MEGF11: variants seen among roughly 807,000 people sequenced by gnomAD.
MEGF11 encodes the protein multiple EGF like domains 11, also known as multiple epidermal growth factor-like domains protein 11.
In MEGF11, 126 loss-of-function variants were observed where a neutral mutation model predicts 146.6. That is an observed-to-expected ratio of 0.86 (90% CI 0.74 to 1.00). MEGF11 has a LOEUF of 1.00. MEGF11 is among the 50% of genes least tolerant of loss of function. MEGF11 has a pLI of 0.00. For synonymous variants in MEGF11, 532 were observed against 583.4 expected, an observed-to-expected ratio of 0.91 and a Z score of 1.27; for missense variants, 1,509 against 1,521.2, an observed-to-expected ratio of 0.99 and a Z score of 0.13.
intron 5 of MEGF11, among the ~76,000 whole-genome samples, chr15:66,093,153 G>T (rs1460147810): frequency 1.3e-5 from 2 of 152,110 alleles, no homozygotes; most frequent in African/African-American, 4.8e-5. Flanking sequence ...CACATTAGGG[G>T]GTTTCTTGGA....
chr15:65,939,699 TAGTC>T (rs1336116261), intron 10 of MEGF11, among the ~76,000 whole-genome samples: 1 of 152,112 alleles, frequency 6.6e-6, no homozygotes, highest in African/African-American at 2.4e-5. Context: ...TTCACCATGT[TAGTC>T]AGGCTGGTCT....
intron 1 of MEGF11, among the ~76,000 whole-genome samples, chr15:66,165,487 C>A (rs955295400): frequency 6.6e-6 from 1 of 152,158 alleles, no homozygotes; most frequent in Non-Finnish European, 1.5e-5. Flanking sequence ...GAGAAAGGAA[C>A]ATCTTTTTTA....
chr15:66,245,979 A>G (rs2092291046), intron 1 of MEGF11, among the ~76,000 whole-genome samples: 1 of 151,800 alleles, frequency 6.6e-6, no homozygotes, highest in South Asian at 2.1e-4. Context: ...AACAAAAGGC[A>G]GCCAGGCATG....
chr15:66,168,990 A>G (rs1393887561), intron 1 of MEGF11, among the ~76,000 whole-genome samples: 1 of 152,222 alleles, frequency 6.6e-6, no homozygotes, highest in African/African-American at 2.4e-5. Context: ...TCCAACTCAA[A>G]AAATAAAATA....
chr15:66,049,059 G>A (rs947623494), intron 5 of MEGF11, among the ~76,000 whole-genome samples: 12 of 152,294 alleles, frequency 7.9e-5, no homozygotes, highest in African/African-American at 2.6e-4. Flanking sequence ...TGGGCATTCT[G>A]GGGGAGGCAG....
intron 19 of MEGF11, 172 bp from the exon 20 acceptor site, chr15:65,914,145 C>T (rs1239433920): frequency 5.0e-6 from 3 of 599,614 alleles, no homozygotes; most frequent in Non-Finnish European, 8.9e-6. Context: ...TGCCTTCATC[C>T]CTAAAGGGGA....
At chr15:66,004,539 TA>T (rs1209454421) in intron 5 of MEGF11, among the ~76,000 whole-genome samples, 1 of 152,178 alleles carries the variant, frequency 6.6e-6, no homozygotes, top group Non-Finnish European at 1.5e-5. Context: ...ATGTCACAAA[TA>T]TTTAATAATT....
At chr15:65,914,229 C>T in intron 19 of MEGF11, 1 of 545,294 alleles carries the variant, frequency 1.8e-6, no homozygotes, top group East Asian at 2.8e-5. Flanking sequence ...TTACTCTGTT[C>T]CAAAAATGAG....
chr15:66,173,853 G>A (rs1484455817), intron 1 of MEGF11, among the ~76,000 whole-genome samples: 1 of 152,130 alleles, frequency 6.6e-6, no homozygotes, highest in Middle Eastern at 3.2e-3. Flanking sequence ...GACCACCCTT[G>A]GACAGTTTGC....
intron 1 of MEGF11, among the ~76,000 whole-genome samples, chr15:66,168,481 A>C (rs2090159166): frequency 6.6e-6 from 1 of 152,196 alleles, no homozygotes; most frequent in Non-Finnish European, 1.5e-5. Context: ...ATATATGGTT[A>C]CTGAGCACTT....
At position 65,982,541 on chromosome 15, in the gene MEGF11, G is replaced by A; in HGVS notation, c.395-53C>T. ...AGGAGCCCCGAAGGCTCTCCTTGGG[G>A]CAGGGGCCAGGAACCGATGCCCATG... On this transcript the variant is annotated intron_variant, in intron 5 of 25. Coordinates refer to ENST00000395614, the MANE Select transcript of MEGF11 (RefSeq NM_001385028.1). The surrounding 1 kb of genome is among the most constrained non-coding windows in gnomAD (Gnocchi z 5.6). 1 of 1,425,566 alleles carries A rather than the reference G, an allele frequency of 7.0e-7. No homozygotes were observed. The highest frequency in any genetic ancestry group is 9.2e-7 in the Non-Finnish European group (1 of 1,092,848). 88.3% of individuals were successfully genotyped at this position (1,425,566 alleles called of 1,614,324 possible). A position where few individuals can be genotyped will look rare whatever the true frequency, so the allele number is the denominator to read the frequency against.
At chr15:66,085,381 AG>A (rs1236559862) in intron 5 of MEGF11, among the ~76,000 whole-genome samples, 5 of 152,220 alleles carry the variant, frequency 3.3e-5, no homozygotes, top group Admixed American at 1.3e-4. Context: ...GCACAAAAAA[AG>A]AGCATTAAAC....
At chr15:66,127,548 T>G (rs1371720532) in intron 2 of MEGF11, among the ~76,000 whole-genome samples, 1 of 152,228 alleles carries the variant, frequency 6.6e-6, no homozygotes, top group Non-Finnish European at 1.5e-5. Context: ...CTCATCTTAA[T>G]TTTATTCATT....
intron 1 of MEGF11, among the ~76,000 whole-genome samples, chr15:66,236,735 C>A (rs558195721): frequency 6.6e-6 from 1 of 152,248 alleles, no homozygotes; most frequent in South Asian, 2.1e-4. Flanking sequence ...TGTTTGCAGG[C>A]AGCTTCCTGT....
intron 8 of MEGF11, among the ~76,000 whole-genome samples, chr15:65,968,094 GAAAGAGAGCAGA>G (rs2081174276): frequency 9.0e-6 from 1 of 110,836 alleles, no homozygotes; most frequent in Admixed American, 9.2e-5. Flanking sequence ...CTCATGAAGG[GAAAGAGAGCAGA>G]AAAGAGAGGG....
chr15:66,128,998 C>T (rs1454423516), intron 1 of MEGF11, among the ~76,000 whole-genome samples: 1 of 152,198 alleles, frequency 6.6e-6, no homozygotes, highest in Non-Finnish European at 1.5e-5. Context: ...TACTTCTGCC[C>T]AGAGTGATGC....
chr15:66,253,447 G>A (rs1366869132), intron 1 of MEGF11, among the ~76,000 whole-genome samples, 158 bp downstream of exon 1: 1 of 152,206 alleles, frequency 6.6e-6, no homozygotes, highest in Non-Finnish European at 1.5e-5. Flanking sequence ...TCGGCAGCCG[G>A]GACCCGGGCA....
intron 5 of MEGF11, among the ~76,000 whole-genome samples, chr15:65,989,756 G>C (rs946194328): frequency 6.6e-6 from 1 of 152,182 alleles, no homozygotes; most frequent in Non-Finnish European, 1.5e-5. Context: ...CCCTCTTTGG[G>C]CCTCTGTTTT....
At chr15:66,209,287 T>C (rs542653631) in intron 1 of MEGF11, among the ~76,000 whole-genome samples, 81 of 151,436 alleles carry the variant, frequency 5.3e-4, no homozygotes, top group Non-Finnish European at 1.1e-3. Flanking sequence ...GAGGCAGAGC[T>C]TGCAGTGAGC....
Sources: allele counts gnomAD v4.1 joint callset (sites outside exome capture counted in the v4.1 genomes callset), GRCh38; gene constraint gnomAD v4.1.1; non-coding constraint Gnocchi (gnomAD v3.1); transcripts MANE v1.5; gene names NCBI Gene and HGNC (gene_info 2026-07-23, HGNC 2026-07-21).